Variants in GALNTL6 observed in about 807,000 individuals in gnomAD.
GALNTL6 encodes the protein polypeptide N-acetylgalactosaminyltransferase like 6.
GALNTL6 carries 46 observed loss-of-function variants against 73.7 expected under a neutral mutation model. The ratio of observed to expected loss-of-function variants is 0.62; its 90% CI spans 0.49 to 0.80. GALNTL6 has a LOEUF of 0.80. Ranked by LOEUF, GALNTL6 falls within the 30% of genes least tolerant of loss-of-function variation. The probability of loss-of-function intolerance (pLI) is 0.00; values close to 1 mark genes in which losing one functional copy is unlikely to be tolerated. For synonymous variants in GALNTL6, 259 were observed against 263.7 expected, an observed-to-expected ratio of 0.98 and a Z score of 0.17; for missense variants, 604 against 755.0, an observed-to-expected ratio of 0.80 and a Z score of 2.34.
chr4:172,886,482 T>A lies in GALNTL6; in HGVS notation c.1041+3575T>A, dbSNP rs969469546. ...TACATTTGTTTATCTGTTTAAAAAA[T>A]TGGCTGGACGCGGTGGCTCACGACT... On this transcript the variant is annotated intron_variant, in intron 8 of 12. Coordinates refer to ENST00000506823, the MANE Select transcript of GALNTL6 (RefSeq NM_001034845.3). Among the ~76,000 whole-genome samples, 5 of 152,144 alleles carry A rather than the reference T, an allele frequency of 3.3e-5. 1 individual carries two copies. Among genetic ancestry groups the A allele is most frequent in the East Asian group, 3.8e-4 (2 of 5,196 alleles).
intron 2 of GALNTL6, among the ~76,000 whole-genome samples, chr4:172,194,052 G>A (rs191819086): frequency 1.3e-5 from 2 of 152,144 alleles, no homozygotes; most frequent in East Asian, 1.9e-4. Context: ...AGCTACAGGA[G>A]TATGTTCTGA....
chr4:172,465,232 C>T (rs950289917), intron 5 of GALNTL6, among the ~76,000 whole-genome samples: 1 of 152,142 alleles, frequency 6.6e-6, no homozygotes, highest in Non-Finnish European at 1.5e-5. Context: ...AATCCCAGCA[C>T]TTGGGGAGGC....
intron 8 of GALNTL6, among the ~76,000 whole-genome samples, chr4:172,896,146 CATGTCAT>C (rs1746318806): frequency 6.6e-6 from 1 of 152,174 alleles, no homozygotes; most frequent in Non-Finnish European, 1.5e-5. Flanking sequence ...TTTGTTTGGT[CATGTCAT>C]ATATCCCTTC....
chr4:171,862,038 A>G (rs1159639885), intron 2 of GALNTL6, among the ~76,000 whole-genome samples: 1 of 152,186 alleles, frequency 6.6e-6, no homozygotes, highest in Non-Finnish European at 1.5e-5. Context: ...AAGTTGAGAA[A>G]TACTAGGTAG....
intron 5 of GALNTL6, among the ~76,000 whole-genome samples, chr4:172,466,978 A>G (rs1341675303): frequency 6.6e-6 from 1 of 152,220 alleles, no homozygotes; most frequent in African/African-American, 2.4e-5. Context: ...TTTAGCTTAG[A>G]AACTTCCACC....
chr4:172,201,095 A>T (rs1009593136), intron 2 of GALNTL6, among the ~76,000 whole-genome samples: 2 of 152,294 alleles, frequency 1.3e-5, no homozygotes, highest in Admixed American at 1.3e-4. Flanking sequence ...ACTCTTTGTT[A>T]AACACTGAAA....
intron 2 of GALNTL6, among the ~76,000 whole-genome samples, chr4:171,911,223 G>T (rs1301379816): frequency 1.3e-5 from 2 of 152,152 alleles, no homozygotes; most frequent in South Asian, 4.1e-4. Flanking sequence ...GCATTGGCAC[G>T]ATCCGGGCCC....
intron 5 of GALNTL6, among the ~76,000 whole-genome samples, chr4:172,744,231 G>A (rs1026131935): frequency 2.0e-5 from 3 of 152,066 alleles, no homozygotes; most frequent in Non-Finnish European, 4.4e-5. Flanking sequence ...CACTTTGATT[G>A]ATGGGTATAA....
chr4:172,623,881 T>C (rs1048144431), intron 5 of GALNTL6, among the ~76,000 whole-genome samples: 2 of 152,156 alleles, frequency 1.3e-5, no homozygotes, highest in African/African-American at 4.8e-5. Flanking sequence ...TGCTTTACCA[T>C]TATGTCTCAA....
Position 172,897,591 on chromosome 4 carries a change from G to T in GALNTL6, c.1041+14684G>T, listed in dbSNP as rs962879282. ...AAATGGGGCTATAACCAAGTTCCTT[G>T]GGGGACAGGTCTGTTTCCATGCTTG... is the stretch of plus-strand genomic sequence containing the variant. On this transcript the variant is annotated intron_variant, in intron 8 of 12. Transcript: ENST00000506823. 5.3e-5 allele frequency among the ~76,000 whole-genome samples: 8 copies of T among 152,298 alleles called. No individual in the cohort carries two copies. The East Asian group carries it at 1.5e-3, about 29-fold the overall frequency.
chr4:172,984,723 A>G (rs1751221217), intron 10 of GALNTL6, among the ~76,000 whole-genome samples: 1 of 152,194 alleles, frequency 6.6e-6, no homozygotes, highest in Non-Finnish European at 1.5e-5. Flanking sequence ...ATCATGCAGT[A>G]TCCTCTTATA....
chr4:172,248,176 T>G (rs1200742105), intron 3 of GALNTL6, among the ~76,000 whole-genome samples: 1 of 152,226 alleles, frequency 6.6e-6, no homozygotes, highest in Non-Finnish European at 1.5e-5. Context: ...CACAGTCAGA[T>G]TACCTCAGTT....
At chr4:171,861,124 A>T (rs1304088707) in intron 2 of GALNTL6, among the ~76,000 whole-genome samples, 1 of 152,166 alleles carries the variant, frequency 6.6e-6, no homozygotes, top group African/African-American at 2.4e-5. Context: ...CTGCAGTCTA[A>T]GCCTCCTCAG....
At chr4:172,747,302 T>G (rs1434647953) in intron 5 of GALNTL6, among the ~76,000 whole-genome samples, 1 of 151,962 alleles carries the variant, frequency 6.6e-6, no homozygotes, top group Non-Finnish European at 1.5e-5. Context: ...TACAGGAAAC[T>G]CAAACTACTC....
intron 10 of GALNTL6, among the ~76,000 whole-genome samples, chr4:172,979,911 C>T (rs1750994504): frequency 6.6e-6 from 1 of 152,188 alleles, no homozygotes; most frequent in Non-Finnish European, 1.5e-5. Context: ...TAATCCCTGT[C>T]CTTTTGGGAA....
chr4:172,988,969 T>C (rs915797683), intron 10 of GALNTL6, among the ~76,000 whole-genome samples: 19 of 152,216 alleles, frequency 1.2e-4, no homozygotes, highest in African/African-American at 4.3e-4. Context: ...GGGCAAGCCC[T>C]CATGGAGAAC....
At chr4:172,701,113 TTTACTAATAA>T (rs1454381299) in intron 5 of GALNTL6, among the ~76,000 whole-genome samples, 3 of 152,120 alleles carry the variant, frequency 2.0e-5, no homozygotes. Context: ...TCTCATCTTA[TTTACTAATAA>T]ATTTTTAAAG....
intron 5 of GALNTL6, among the ~76,000 whole-genome samples, chr4:172,488,544 T>C (rs1287658355): frequency 3.3e-5 from 5 of 152,282 alleles, no homozygotes; most frequent in Non-Finnish European, 5.9e-5. Flanking sequence ...GTAAGACAGC[T>C]TACCTGGCAG....
chr4:172,546,328 G>T (rs531681603), intron 5 of GALNTL6, among the ~76,000 whole-genome samples: 1 of 152,256 alleles, frequency 6.6e-6, no homozygotes, highest in East Asian at 1.9e-4. Flanking sequence ...GCTAGTTGAA[G>T]GGATATGATG....
Sources: allele counts gnomAD v4.1 joint callset (sites outside exome capture counted in the v4.1 genomes callset), GRCh38; gene constraint gnomAD v4.1.1; transcripts MANE v1.5; gene names NCBI Gene and HGNC (gene_info 2026-07-23, HGNC 2026-07-21).